Variants in HLTF observed in about 807,000 individuals in gnomAD.
HLTF encodes the protein helicase like transcription factor.
Under a neutral mutation model 129.4 loss-of-function variants are expected in HLTF, and 127 were observed. The ratio of observed to expected loss-of-function variants is 0.98; its 90% confidence interval spans 0.85 to 1.14. HLTF has a LOEUF of 1.14. Among genes scored for constraint, HLTF ranks in the 50% most tolerant of loss-of-function variants. The pLI is 0.00. For missense variants in HLTF, 1,139 were observed against 1,187.1 expected (o/e 0.96, Z 0.60); for synonymous variants, 332 against 388.8 (o/e 0.85, Z 1.72).
intron 10 of HLTF, among the ~76,000 whole-genome samples, chr3:149,061,801 A>C (rs1576603818): frequency 6.7e-6 from 1 of 150,280 alleles, no homozygotes; most frequent in African/African-American, 2.5e-5. Flanking sequence ...ATGCCATTGC[A>C]CTCCAGCCTG....
intron 13 of HLTF, among the ~76,000 whole-genome samples, 200 bp from the exon 14 acceptor site, chr3:149,055,600 C>G (rs1717365411): frequency 6.6e-6 from 1 of 152,118 alleles, no homozygotes; most frequent in Non-Finnish European, 1.5e-5. Flanking sequence ...TGAGAAGAAC[C>G]AAAGGACTAT....
chr3:149,051,079 G>A (rs912031943), intron 14 of HLTF, among the ~76,000 whole-genome samples: 21 of 152,120 alleles, frequency 1.4e-4, no homozygotes, highest in Non-Finnish European at 3.1e-4. Flanking sequence ...AGTAGGAACA[G>A]GGTGGAAAGG....
intron 24 of HLTF, 79 bp from the exon 25 acceptor site, chr3:149,032,451 A>T (rs1715164605): frequency 1.1e-6 from 1 of 911,866 alleles, no homozygotes; most frequent in South Asian, 2.1e-5. Context: ...TAAATGAAAG[A>T]TTTGCCTAAT....
intron 10 of HLTF, chr3:149,062,929 ATTC>A (rs1378393739): frequency 1.2e-5 from 4 of 346,382 alleles, no homozygotes; most frequent in East Asian, 7.3e-5. Flanking sequence ...GGTCAGTATC[ATTC>A]TTCTTCATCT....
intron 8 of HLTF, among the ~76,000 whole-genome samples, chr3:149,066,115 C>T (rs534912883): frequency 2.6e-5 from 4 of 151,874 alleles, no homozygotes; most frequent in Non-Finnish European, 4.4e-5. Flanking sequence ...GGCACAATCT[C>T]GGCTCATTGA....
chr3:149,062,112 TAAGAAA>T (rs1718004674), intron 10 of HLTF, among the ~76,000 whole-genome samples: 1 of 152,174 alleles, frequency 6.6e-6, no homozygotes, highest in South Asian at 2.1e-4. Context: ...TGTTTCCTCA[TAAGAAA>T]AATAGAAATA....
rs1349222532 is a variant in HLTF at position 149,031,656 on chromosome 3, C to T, written c.*564G>A. 1.3e-5 allele frequency: 2 copies of T among 152,152 alleles called. No homozygotes were observed. Among genetic ancestry groups the T allele is most frequent in the African/African-American group, 4.8e-5 (2 of 41,428 alleles). 9.4% of individuals were successfully genotyped at this position (152,152 alleles called of 1,614,324 possible). On this transcript the variant is annotated 3_prime_UTR_variant, in exon 25 of 25. Coordinates refer to ENST00000310053, the MANE Select transcript of HLTF (RefSeq NM_003071.4). ...TCCAAGTCATTTATGTGAACTATAT[C>T]TCAATGTAGCTGTAGGAAAAATAAA...
intron 8 of HLTF, among the ~76,000 whole-genome samples, chr3:149,066,346 T>G (rs986252916): frequency 6.6e-6 from 1 of 152,114 alleles, no homozygotes. Context: ...ATGCCCAGCT[T>G]TGCATTATTC....
At chr3:149,061,567 G>A (rs893606699) in intron 10 of HLTF, among the ~76,000 whole-genome samples, 1 of 151,986 alleles carries the variant, frequency 6.6e-6, no homozygotes. Flanking sequence ...CAGGCACGGT[G>A]GCTCATGTCT....
chr3:149,038,400 T>G (rs772962922), intron 23 of HLTF, among the ~76,000 whole-genome samples: 1 of 152,248 alleles, frequency 6.6e-6, no homozygotes, highest in Non-Finnish European at 1.5e-5. Context: ...AATATTTACA[T>G]GGACTATGAT....
At chr3:149,063,592 T>C in intron 9 of HLTF, 68 bp from the exon 10 acceptor site, 2 of 889,956 alleles carry the variant, frequency 2.2e-6, no homozygotes, top group South Asian at 3.0e-5. Flanking sequence ...TTATCCCTCT[T>C]AAAACCTTGG....
chr3:149,050,381 GA>G lies in HLTF; in HGVS notation c.1474-7del. The G allele has an allele frequency of 1.3e-6, 2 of 1,538,464 alleles. No individual in the cohort carries two copies. The highest frequency in any genetic ancestry group is 1.2e-5 in the South Asian group (1 of 81,272). On this transcript the variant is annotated splice_polypyrimidine_tract_variant and splice_region_variant and intron_variant, in intron 14 of 24. Coordinates refer to ENST00000310053, the MANE Select transcript of HLTF (RefSeq NM_003071.4). Reference sequence around the variant, plus strand: ...ATATGTTGTCCAAACTGGTCCTAAAGAAAAATTAGGAATATTTTTAACAATG... The same window carrying G: ...ATATGTTGTCCAAACTGGTCCTAAAGAAAATTAGGAATATTTTTAACAATG...
At chr3:149,084,435 G>A (rs1404437608) in intron 2 of HLTF, among the ~76,000 whole-genome samples, 1 of 151,870 alleles carries the variant, frequency 6.6e-6, no homozygotes, top group Non-Finnish European at 1.5e-5. Context: ...TGGGGGTGGG[G>A]TGCTACCCAT....
At position 149,042,283 on chromosome 3, in the gene HLTF, T is replaced by C; in HGVS notation, c.2080A>G (p.Asn694Asp). Residue 694 changes from asparagine (N) to aspartate (D), a missense_variant, in exon 19 of 25, where the codon AAT becomes GAT. By Grantham distance (23) the Asn-to-Asp change is conservative (BLOSUM62 1). Transcript: ENST00000310053. ...EGRATIGRYFNEGTVLAHYAD... is the reference protein window; with the variant it reads ...EGRATIGRYFDEGTVLAHYAD... The stretch of plus-strand genomic sequence containing the variant: ...TAATGTGCCAGGACAGTCCCTTCAT[T>C]AAAATACCTAGAGATTAAAATGTCA... 6.2e-7 allele frequency: 1 copy of C among 1,608,072 alleles called. No individual in the cohort carries two copies.
intron 13 of HLTF, among the ~76,000 whole-genome samples, chr3:149,057,920 CAG>C (rs2108010706): frequency 6.6e-6 from 1 of 152,252 alleles, no homozygotes; most frequent in South Asian, 2.1e-4. Flanking sequence ...TTTATATTTA[CAG>C]AGTTACAGAT....
chr3:149,034,663 T>C (rs1431481946), intron 24 of HLTF, among the ~76,000 whole-genome samples: 2 of 152,174 alleles, frequency 1.3e-5, no homozygotes, highest in East Asian at 1.9e-4. Flanking sequence ...GAAACAAATA[T>C]GTTGTAGAAT....
chr3:149,043,566 A>AC (rs1341712285), intron 18 of HLTF, among the ~76,000 whole-genome samples: 1 of 151,358 alleles, frequency 6.6e-6, no homozygotes, highest in African/African-American at 2.4e-5. Context: ...AAAAAAAAAA[A>AC]AAACCAGGCT....
chr3:149,075,360 C>A (rs958754286), intron 3 of HLTF, among the ~76,000 whole-genome samples: 1 of 152,110 alleles, frequency 6.6e-6, no homozygotes, highest in Non-Finnish European at 1.5e-5. Context: ...ACAGCCTGGC[C>A]AACATGGCAA....
intron 20 of HLTF, chr3:149,040,362 A>G: frequency 2.1e-6 from 1 of 473,856 alleles, no homozygotes; most frequent in Non-Finnish European, 3.7e-6. Context: ...TAAAGGAGGG[A>G]GCAAAAGTAT....
Sources: gnomAD v4.1 joint callset for allele counts (sites outside exome capture counted in the v4.1 genomes callset) on GRCh38, gnomAD v4.1.1 for gene constraint, MANE v1.5 for transcripts, NCBI Gene and HGNC (gene_info 2026-07-23, HGNC 2026-07-21) for gene names.